HFM1: variants seen among roughly 807,000 people sequenced by gnomAD.
HFM1 encodes probable ATP-dependent DNA helicase HFM1.
In HFM1, 169 loss-of-function variants were observed where a neutral mutation model predicts 192.1. The observed-to-expected ratio is 0.88, with a 90% CI of 0.78 to 1.00. The LOEUF (loss-of-function observed/expected upper bound fraction) is 1.00. HFM1 is among the 50% of genes least tolerant of loss of function. The pLI, the probability that HFM1 is intolerant of heterozygous loss-of-function variation, is 0.00. For missense variants in HFM1, 1,661 were observed against 1,668.0 expected, an observed-to-expected ratio of 1.00 and a Z score of 0.07; for synonymous variants, 525 against 537.8, an observed-to-expected ratio of 0.98 and a Z score of 0.33.
intron 20 of HFM1, among the ~76,000 whole-genome samples, chr1:91,330,708 A>C (rs953804241): frequency 6.6e-6 from 1 of 152,238 alleles, no homozygotes. Context: ...AAAAAAGGGA[A>C]ACTACAGGCC....
At chr1:91,306,702 AC>A (rs1374464799) in intron 30 of HFM1, among the ~76,000 whole-genome samples, 1 of 152,218 alleles carries the variant, frequency 6.6e-6, no homozygotes, top group Non-Finnish European at 1.5e-5. Context: ...CATTAAAAAA[AC>A]AAAACATTAG....
chr1:91,360,737 T>C (rs1242470264), intron 13 of HFM1, among the ~76,000 whole-genome samples: 1 of 152,192 alleles, frequency 6.6e-6, no homozygotes, highest in Non-Finnish European at 1.5e-5. Flanking sequence ...TTCAACAGAA[T>C]ATACATTTTT....
At chr1:91,376,024 CAT>C (rs1282161091) in intron 11 of HFM1, among the ~76,000 whole-genome samples, 1 of 150,918 alleles carries the variant, frequency 6.6e-6, no homozygotes, top group Non-Finnish European at 1.5e-5. Flanking sequence ...TCAATTTTGT[CAT>C]AGAGGCCAAA....
intron 16 of HFM1, 47 bp from the exon 17 acceptor site, chr1:91,351,690 G>T: frequency 1.0e-6 from 1 of 959,296 alleles, no homozygotes; most frequent in Non-Finnish European, 1.6e-6. Context: ...GCACATCTTG[G>T]TAGCAGTCCT....
chr1:91,327,639 A>G (rs1362828614), intron 20 of HFM1, among the ~76,000 whole-genome samples: 1 of 152,222 alleles, frequency 6.6e-6, no homozygotes, highest in Non-Finnish European at 1.5e-5. Flanking sequence ...GACCTGATAG[A>G]TATTTACAAA....
chr1:91,334,611 C>T (rs764606026), intron 20 of HFM1, among the ~76,000 whole-genome samples: 84 of 152,136 alleles, frequency 5.5e-4, no homozygotes, highest in Non-Finnish European at 8.8e-4. Flanking sequence ...GGGTAACTAA[C>T]TGATGAAATG....
chr1:91,304,985 A>T (rs1327062753), intron 30 of HFM1, among the ~76,000 whole-genome samples: 2 of 152,138 alleles, frequency 1.3e-5, no homozygotes, highest in Non-Finnish European at 2.9e-5. Flanking sequence ...AGAGAGGTAA[A>T]GGTTTATTTC....
chr1:91,300,717 T>C (rs1648608319), intron 30 of HFM1, among the ~76,000 whole-genome samples: 2 of 152,152 alleles, frequency 1.3e-5, no homozygotes, highest in South Asian at 4.2e-4. Flanking sequence ...AGAAAAGGCC[T>C]TTGACAAAAT....
chr1:91,353,651 G>A (rs1571068970), intron 13 of HFM1, among the ~76,000 whole-genome samples: 4 of 81,364 alleles, frequency 4.9e-5, no homozygotes, highest in Non-Finnish European at 7.1e-5. Context: ...TAGTAAATAA[G>A]CAAAAAAAAA....
rs960228844 is a variant in HFM1 at position 91,271,798 on chromosome 1, T to C, written c.3772+1914A>G. Among the ~76,000 whole-genome samples, 3 of 152,168 alleles carry C rather than the reference T, an allele frequency of 2.0e-5. 1 individual carries two copies. Among genetic ancestry groups the C allele is most frequent in the East Asian group, 3.8e-4 (2 of 5,206 alleles). ...CAATTTTCAGTTCTCCACTGATCAC[T>C]AAAAGTCAATTTCATTTTATAGAAA... On this transcript the variant is annotated intron_variant, in intron 34 of 38. Transcript: ENST00000370425.
At chr1:91,382,801 C>T (rs575891494) in intron 6 of HFM1, among the ~76,000 whole-genome samples, 66 of 152,272 alleles carry the variant, frequency 4.3e-4, no homozygotes, top group African/African-American at 1.6e-3. Flanking sequence ...CAACTGCTAA[C>T]ATCATTTATC....
intron 30 of HFM1, among the ~76,000 whole-genome samples, chr1:91,281,786 G>A (rs1004327298): frequency 2.0e-4 from 31 of 152,162 alleles, no homozygotes; most frequent in African/African-American, 7.5e-4. Context: ...GAGTGCAGGT[G>A]TGAGACCACA....
intron 34 of HFM1, among the ~76,000 whole-genome samples, chr1:91,270,836 A>C (rs979490052): frequency 6.6e-6 from 1 of 152,156 alleles, no homozygotes; most frequent in African/African-American, 2.4e-5. Flanking sequence ...ATACACAGAA[A>C]ACCTAAATTT....
At chr1:91,317,338 C>T (rs1026100427) in intron 25 of HFM1, among the ~76,000 whole-genome samples, 9 of 152,102 alleles carry the variant, frequency 5.9e-5, no homozygotes, top group African/African-American at 1.9e-4. Context: ...CGCTTGAACC[C>T]GAGAGGCGGA....
At chr1:91,286,205 T>C (rs925457181) in intron 30 of HFM1, among the ~76,000 whole-genome samples, 4 of 152,258 alleles carry the variant, frequency 2.6e-5, no homozygotes, top group African/African-American at 9.6e-5. Flanking sequence ...GAGTAATCTT[T>C]ATCTTGACTT....
chr1:91,379,297 T>A lies in HFM1; in HGVS notation c.1007-83A>T, dbSNP rs942822933. On this transcript the variant is annotated intron_variant, in intron 8 of 38. Transcript: ENST00000370425. ...CAAACTTTGGTTAATAAAGTTAGCA[T>A]AAAAAATACACATCTACATACTCCT... The A allele has an allele frequency of 1.3e-5, 14 of 1,050,910 alleles. No individual in the cohort carries two copies. In the African/African-American group the frequency reaches 2.3e-4, roughly 17 times the overall value. 65.1% of individuals were successfully genotyped at this position (1,050,910 alleles called of 1,614,324 possible). A position where few individuals can be genotyped will look rare whatever the true frequency, so the allele number is the denominator to read the frequency against.
At position 91,321,488 on chromosome 1, in the gene HFM1, C is replaced by T. The variant is rs557142699; in HGVS notation, c.2582+1462G>A. 4.4e-3 allele frequency among the ~76,000 whole-genome samples: 674 copies of T among 151,876 alleles called. 1 individual carries two copies. The highest frequency in any genetic ancestry group is 7.5e-3 in the Non-Finnish European group (511 of 67,920). On this transcript the variant is annotated intron_variant, in intron 23 of 38. Coordinates refer to ENST00000370425, the MANE Select transcript of HFM1 (RefSeq NM_001017975.6). Reference sequence around the variant, plus strand: ...ATAAAAATAATAAAAAGGGAAGAAACCAGAAACTTGAAGGATAAAATCCTA... The same window carrying T: ...ATAAAAATAATAAAAAGGGAAGAAATCAGAAACTTGAAGGATAAAATCCTA...
intron 25 of HFM1, among the ~76,000 whole-genome samples, chr1:91,316,693 C>T (rs1463241179): frequency 6.6e-6 from 1 of 151,992 alleles, no homozygotes; most frequent in Non-Finnish European, 1.5e-5. Context: ...TATGCATTTG[C>T]TTTATAAAAG....
chr1:91,366,018 C>A (rs1659262957), intron 13 of HFM1, among the ~76,000 whole-genome samples: 3 of 145,900 alleles, frequency 2.1e-5, no homozygotes, highest in African/African-American at 5.1e-5. Flanking sequence ...AAATAAGGGG[C>A]AAAGACTGAA....
Sources: allele counts gnomAD v4.1 joint callset (sites outside exome capture counted in the v4.1 genomes callset), GRCh38; gene constraint gnomAD v4.1.1; transcripts MANE v1.5; gene names NCBI Gene and HGNC (gene_info 2026-07-23, HGNC 2026-07-21).